Variants in EEPD1 observed in about 807,000 individuals in gnomAD.
EEPD1 encodes endonuclease/exonuclease/phosphatase family domain containing 1.
EEPD1 carries 17 observed loss-of-function variants against 46.3 expected under a neutral mutation model. That is an observed-to-expected ratio of 0.37 (90% CI 0.25 to 0.55). The LOEUF (loss-of-function observed/expected upper bound fraction) is 0.55. Ranked by LOEUF, EEPD1 falls within the 20% of genes least tolerant of loss-of-function variation. EEPD1 has a pLI of 0.83. For synonymous variants in EEPD1, 313 were observed against 315.6 expected, an observed-to-expected ratio of 0.99 and a Z score of 0.09; for missense variants, 673 against 745.6, an observed-to-expected ratio of 0.90 and a Z score of 1.13.
At chr7:36,290,819 C>T (rs1787417771) in intron 6 of EEPD1, among the ~76,000 whole-genome samples, 2 of 152,294 alleles carry the variant, frequency 1.3e-5, no homozygotes, top group African/African-American at 4.8e-5. Flanking sequence ...GGAAGTCAGC[C>T]CAAAACGTTC....
intron 2 of EEPD1, among the ~76,000 whole-genome samples, chr7:36,162,750 C>T (rs1414320653): frequency 2.0e-5 from 3 of 152,184 alleles, no homozygotes; most frequent in African/African-American, 7.2e-5. Context: ...CCCTTGTTTC[C>T]TGTGAATTCT....
At chr7:36,198,832 A>G (rs1785660398) in intron 2 of EEPD1, among the ~76,000 whole-genome samples, 1 of 151,912 alleles carries the variant, frequency 6.6e-6, no homozygotes, top group Admixed American at 6.6e-5. Context: ...ACTCTGGTGA[A>G]GCCCGCCTTC....
chr7:36,183,213 A>G (rs1785305165), intron 2 of EEPD1, among the ~76,000 whole-genome samples: 1 of 152,154 alleles, frequency 6.6e-6, no homozygotes, highest in South Asian at 2.1e-4. Flanking sequence ...GCACGCATGT[A>G]TCATCATGTT....
At chr7:36,181,774 G>A (rs1182842232) in intron 2 of EEPD1, among the ~76,000 whole-genome samples, 1 of 152,184 alleles carries the variant, frequency 6.6e-6, no homozygotes, top group Non-Finnish European at 1.5e-5. Context: ...CTTTTTCATG[G>A]AAAATTACAA....
intron 2 of EEPD1, among the ~76,000 whole-genome samples, chr7:36,186,965 C>T (rs1320127065): frequency 6.6e-6 from 1 of 152,192 alleles, no homozygotes; most frequent in African/African-American, 2.4e-5. Flanking sequence ...GTTTCCCCAG[C>T]ATGTTTATAT....
chr7:36,240,015 C>G (rs1313494742), intron 3 of EEPD1, among the ~76,000 whole-genome samples: 1 of 152,300 alleles, frequency 6.6e-6, no homozygotes, highest in East Asian at 1.9e-4. Context: ...GTGGCTCTGC[C>G]TGTAGTCCCA....
intron 2 of EEPD1, chr7:36,230,945 G>C (rs1006997722): frequency 2.6e-5 from 4 of 152,192 alleles, no homozygotes; most frequent in Admixed American, 6.5e-5. Flanking sequence ...AACGCAGTGG[G>C]AACTCAAAGT....
intron 3 of EEPD1, among the ~76,000 whole-genome samples, chr7:36,257,290 T>A (rs1786841850): frequency 6.6e-6 from 1 of 152,116 alleles, no homozygotes; most frequent in African/African-American, 2.4e-5. Flanking sequence ...AATCTGATGA[T>A]TATGTGTCTC....
At chr7:36,233,881 TTG>T (rs753082311) in intron 2 of EEPD1, among the ~76,000 whole-genome samples, 25 of 152,088 alleles carry the variant, frequency 1.6e-4, no homozygotes, top group Non-Finnish European at 2.1e-4. Context: ...TGCTAATTTG[TTG>T]TTTGTTTTGT....
intron 2 of EEPD1, among the ~76,000 whole-genome samples, chr7:36,172,234 C>A (rs1029979366): frequency 2.0e-5 from 3 of 152,210 alleles, no homozygotes; most frequent in African/African-American, 7.2e-5. Flanking sequence ...CTCTCTTCTG[C>A]CTTTCTTTCA....
At chr7:36,189,473 C>G (rs553134051) in intron 2 of EEPD1, among the ~76,000 whole-genome samples, 2 of 152,282 alleles carry the variant, frequency 1.3e-5, no homozygotes, top group East Asian at 3.9e-4. Context: ...TCCATAGATA[C>G]TAGTTTTCCT....
intron 2 of EEPD1, chr7:36,230,840 T>C (rs1354794257): frequency 6.6e-6 from 1 of 152,212 alleles, no homozygotes; most frequent in Non-Finnish European, 1.5e-5. Flanking sequence ...ACCTTAGATA[T>C]TTTATCCATA....
At chr7:36,218,949 G>A (rs1786082409) in intron 2 of EEPD1, among the ~76,000 whole-genome samples, 1 of 152,140 alleles carries the variant, frequency 6.6e-6, no homozygotes, top group African/African-American at 2.4e-5. Flanking sequence ...CTAGGAGAAA[G>A]GCCTGGAGGA....
At position 36,162,848 on chromosome 7, in the gene EEPD1, G is replaced by C. The variant is rs140326863; in HGVS notation, c.878+7646G>C. ...GGCTGCTGTATACTCCTGAAATGCA[G>C]TGCTTAAGCGACAGTACGTTGTTCC... On this transcript the variant is annotated intron_variant, in intron 2 of 7. Transcript: ENST00000242108. Among the ~76,000 whole-genome samples, 20 of 152,282 alleles carry C rather than the reference G, an allele frequency of 1.3e-4. No individual in the cohort carries two copies. In the East Asian group the frequency reaches 3.9e-3, roughly 29 times the overall value.
chr7:36,186,534 C>T (rs1785362421), intron 2 of EEPD1, among the ~76,000 whole-genome samples: 1 of 152,198 alleles, frequency 6.6e-6, no homozygotes, highest in Non-Finnish European at 1.5e-5. Context: ...TCGCCACATT[C>T]TCCTATATAG....
chr7:36,189,229 A>C (rs1785419257), intron 2 of EEPD1, among the ~76,000 whole-genome samples: 1 of 152,222 alleles, frequency 6.6e-6, no homozygotes, highest in Non-Finnish European at 1.5e-5. Context: ...GGTGGTCCCC[A>C]AAAACTATTT....
intron 2 of EEPD1, among the ~76,000 whole-genome samples, chr7:36,220,707 T>C (rs1786130133): frequency 6.6e-6 from 1 of 152,214 alleles, no homozygotes; most frequent in Non-Finnish European, 1.5e-5. Flanking sequence ...TGGTTCAGAG[T>C]GTGTCAGATG....
chr7:36,213,357 G>A (rs1376941807), intron 2 of EEPD1, among the ~76,000 whole-genome samples: 1 of 152,044 alleles, frequency 6.6e-6, no homozygotes, highest in Non-Finnish European at 1.5e-5. Context: ...GTCTGAGATG[G>A]GGAAAAGGGA....
chr7:36,242,720 C>T lies in EEPD1; in HGVS notation c.930+3684C>T, dbSNP rs147702489. ...GGTGGATCACCTGAGGTCGGGAGTT[C>T]GAGACCAGTCTGACCAACATGGCGA... On this transcript the variant is annotated intron_variant, in intron 3 of 7. Transcript: ENST00000242108. Among the ~76,000 whole-genome samples the T allele has an allele frequency of 9.9e-3, 1,432 of 145,228 alleles. 19 individuals carry two copies. Among genetic ancestry groups the T allele is most frequent in the African/African-American group, 0.035 (1,370 of 38,890 alleles).
Sources: allele counts gnomAD v4.1 joint callset (sites outside exome capture counted in the v4.1 genomes callset), GRCh38; gene constraint gnomAD v4.1.1; transcripts MANE v1.5; gene names NCBI Gene and HGNC (gene_info 2026-07-23, HGNC 2026-07-21).